Variants in DLC1 observed in about 807,000 individuals in gnomAD.
DLC1 encodes the protein rho GTPase-activating protein 7.
DLC1 carries 54 observed loss-of-function variants against 140.3 expected under a neutral mutation model. The ratio of observed to expected loss-of-function variants is 0.38; its 90% CI spans 0.31 to 0.48. The LOEUF (loss-of-function observed/expected upper bound fraction) is 0.48, where lower values mean the gene tolerates loss of function less well. Ranked by LOEUF, DLC1 falls within the 20% of genes least tolerant of loss-of-function variation. The pLI is 0.96. For missense variants in DLC1, 2,536 were observed against 1,907.0 expected, an observed-to-expected ratio of 1.33 and a Z score of -6.14; for synonymous variants, 986 against 728.1, an observed-to-expected ratio of 1.35 and a Z score of -5.70.
At chr8:13,467,839 C>A (rs571315020) in intron 2 of DLC1, among the ~76,000 whole-genome samples, 1 of 152,088 alleles carries the variant, frequency 6.6e-6, no homozygotes, top group Non-Finnish European at 1.5e-5. Flanking sequence ...AAGTATTATA[C>A]AAATTTTAAA....
chr8:13,410,709 A>G (rs1837744836), intron 2 of DLC1, among the ~76,000 whole-genome samples: 1 of 152,170 alleles, frequency 6.6e-6, no homozygotes, highest in African/African-American at 2.4e-5. Context: ...ATGGAAAGAT[A>G]TATACTTGCT....
At chr8:13,404,418 A>T (rs1212043413) in intron 2 of DLC1, among the ~76,000 whole-genome samples, 2 of 152,056 alleles carry the variant, frequency 1.3e-5, no homozygotes, top group Non-Finnish European at 2.9e-5. Flanking sequence ...GCATATGGTG[A>T]CTCCGAAACA....
At chr8:13,427,705 C>T (rs573764031) in intron 2 of DLC1, among the ~76,000 whole-genome samples, 2 of 152,282 alleles carry the variant, frequency 1.3e-5, no homozygotes, top group East Asian at 1.9e-4. Flanking sequence ...CCCTTGTTCT[C>T]ATGGCAATTA....
intron 6 of DLC1, among the ~76,000 whole-genome samples, chr8:13,115,370 G>C (rs903558153): frequency 1.3e-5 from 2 of 152,190 alleles, no homozygotes; most frequent in Non-Finnish European, 2.9e-5. Flanking sequence ...CTTTGGGTAG[G>C]GAGTGGCAGG....
chr8:13,464,765 T>TA (rs1491525149), intron 2 of DLC1, among the ~76,000 whole-genome samples: 951 of 59,942 alleles, frequency 0.016, 10 homozygotes, highest in South Asian at 0.037. Context: ...TATATATATA[T>TA]TTATATATAT....
At chr8:13,592,293 A>C (rs1202239195) in intron 1 of DLC1, among the ~76,000 whole-genome samples, 3 of 152,082 alleles carry the variant, frequency 2.0e-5, no homozygotes, top group Non-Finnish European at 2.9e-5. Context: ...TTGAACTATA[A>C]GATCTTACCA....
chr8:13,114,809 T>C (rs1411800077), intron 6 of DLC1, among the ~76,000 whole-genome samples: 1 of 152,242 alleles, frequency 6.6e-6, no homozygotes, highest in African/African-American at 2.4e-5. Context: ...TATATCATTT[T>C]ATATCCATTT....
intron 2 of DLC1, among the ~76,000 whole-genome samples, chr8:13,448,077 A>G (rs1360949051): frequency 6.6e-6 from 1 of 152,184 alleles, no homozygotes; most frequent in Non-Finnish European, 1.5e-5. Context: ...TGAAGAGTAT[A>G]ATTTTTGAGT....
At chr8:13,176,330 G>A (rs564472953) in intron 5 of DLC1, among the ~76,000 whole-genome samples, 1 of 152,262 alleles carries the variant, frequency 6.6e-6, no homozygotes, top group South Asian at 2.1e-4. Flanking sequence ...TGTAATCCCA[G>A]CACTTTGGGA....
rs560212652 is a variant in DLC1, at chr8:13,085,575, A to C, written c.*236T>G. The C allele has an allele frequency of 7.6e-6, 3 of 396,072 alleles. No individual in the cohort carries two copies. The highest frequency in any genetic ancestry group is 4.5e-5 in the East Asian group (1 of 22,226). The allele number at this position is 396,072 out of a possible 1,614,324, so 24.5% of individuals were successfully genotyped here. ...AGCAATTTGAATAAGAATACACATA[A>C]ATTTTTTTTTTTTTTTTGCACAGTC... On this transcript the variant is annotated 3_prime_UTR_variant, in exon 18 of 18. Coordinates refer to ENST00000276297, the MANE Select transcript of DLC1 (RefSeq NM_182643.3).
intron 5 of DLC1, among the ~76,000 whole-genome samples, chr8:13,189,818 G>A (rs1160559312): frequency 6.6e-6 from 1 of 152,008 alleles, no homozygotes; most frequent in South Asian, 2.1e-4. Context: ...GGAGGCAGAG[G>A]TTGCGGTGAG....
At chr8:13,311,867 TTCC>T (rs1832674883) in intron 4 of DLC1, among the ~76,000 whole-genome samples, 1 of 152,140 alleles carries the variant, frequency 6.6e-6, no homozygotes, top group African/African-American at 2.4e-5. Context: ...ATTTTTTCTT[TTCC>T]TCCTCAAAAC....
chr8:13,566,755 G>A (rs1585281563), intron 1 of DLC1: 1 of 528,662 alleles, frequency 1.9e-6, no homozygotes, highest in Non-Finnish European at 3.2e-6. Context: ...CGCAAGCAGC[G>A]CAAGCGCAGT....
Position 13,401,513 on chromosome 8 carries a change from G to C in DLC1, c.1130C>G (p.Ser377Cys), listed in dbSNP as rs1280900921. Residue 377 changes from serine to cysteine, a missense_variant, in exon 3 of 18, where the codon TCC becomes TGC. Transcript: ENST00000276297. The part of the protein sequence containing the change: ...QDIENALSTS[S>C]SPSGTPTNLR... Reference sequence around the variant, plus strand: ...GTTTGTTGGTGTGCCTGATGGAGAGGAGCTGGTGCTGAGGGCATTTTCTAT... The same window carrying C: ...GTTTGTTGGTGTGCCTGATGGAGAGCAGCTGGTGCTGAGGGCATTTTCTAT... 1 of 1,612,850 alleles carries C rather than the reference G, an allele frequency of 6.2e-7. No homozygotes were observed. The highest frequency in any genetic ancestry group is 2.2e-5 in the East Asian group (1 of 44,892).
chr8:13,287,121 T>C (rs1274832836), intron 5 of DLC1, among the ~76,000 whole-genome samples: 2 of 152,208 alleles, frequency 1.3e-5, no homozygotes, highest in African/African-American at 2.4e-5. Flanking sequence ...GAGGCCTTCA[T>C]TGATTTCCTA....
chr8:13,211,807 T>C, intron 5 of DLC1, among the ~76,000 whole-genome samples: 1 of 152,164 alleles, frequency 6.6e-6, no homozygotes, highest in Non-Finnish European at 1.5e-5. Flanking sequence ...TAGGCTGGAA[T>C]TGAAAAGAAA....
intron 5 of DLC1, among the ~76,000 whole-genome samples, chr8:13,155,459 C>G (rs1227300060): frequency 6.6e-6 from 1 of 151,728 alleles, no homozygotes; most frequent in African/African-American, 2.4e-5. Flanking sequence ...CATTTTTAGG[C>G]TAAAACAATA....
rs550832591 is a variant in DLC1 at position 13,330,800 on chromosome 8, C to T, written c.1315-25498G>A. 3.2e-4 allele frequency among the ~76,000 whole-genome samples: 48 copies of T among 152,294 alleles called. 1 individual carries two copies. Among genetic ancestry groups the T allele is most frequent in the African/African-American group, 1.1e-3 (47 of 41,554 alleles). On this transcript the variant is annotated intron_variant, in intron 4 of 17. Transcript: ENST00000276297. The stretch of plus-strand genomic sequence containing the variant: ...TTTACTTGTTAAACTTTTCTTCAGA[C>T]TCTCTGTGCCTCTACAAACTGAACA...
chr8:13,445,024 C>T (rs1798711155), intron 2 of DLC1, among the ~76,000 whole-genome samples: 1 of 150,808 alleles, frequency 6.6e-6, no homozygotes, highest in Non-Finnish European at 1.5e-5. Context: ...GTAGGAGAGA[C>T]AGAGATTGAG....
Sources: allele counts gnomAD v4.1 joint callset (sites outside exome capture counted in the v4.1 genomes callset), GRCh38; gene constraint gnomAD v4.1.1; transcripts MANE v1.5; gene names NCBI Gene and HGNC (gene_info 2026-07-23, HGNC 2026-07-21).